ADGRF3: variants seen among roughly 807,000 people sequenced by gnomAD.
ADGRF3 encodes the protein G protein-coupled receptor 113.
In ADGRF3, 85 loss-of-function variants were observed where a neutral mutation model predicts 93.2. That is an observed-to-expected ratio of 0.91 (90% CI 0.77 to 1.09). The LOEUF is 1.09. Ranked by LOEUF, ADGRF3 falls within the 50% of genes least tolerant of loss-of-function variation. The pLI is 0.00. For missense variants in ADGRF3, 1,125 were observed against 1,246.2 expected (o/e 0.90, Z 1.46); for synonymous variants, 534 against 532.5 (o/e 1.00, Z -0.04).
rs558122227 is a variant in ADGRF3, at chr2:26,323,920, C to T, written c.115-6358G>A. Among the ~76,000 whole-genome samples the T allele has an allele frequency of 9.2e-5, 14 of 152,092 alleles. No homozygotes were observed. In the East Asian group the frequency reaches 1.4e-3, roughly 15 times the overall value. ...CTAGGATTACAAGCATGAGCCACTG[C>T]GCCCGGCCTCCATTACCTCTTATAG... On this transcript the variant is annotated intron_variant, in intron 1 of 13. Transcript: ENST00000651242.
chr2:26,310,366 G>A, intron 10 of ADGRF3, 129 bp from the exon 11 acceptor site: 1 of 1,001,562 alleles, frequency 1.0e-6, no homozygotes, highest in Non-Finnish European at 1.5e-6. Flanking sequence ...ACCACTATTT[G>A]GTGCATAGGA....
At chr2:26,321,556 C>T (rs927504813) in intron 1 of ADGRF3, among the ~76,000 whole-genome samples, 1 of 151,972 alleles carries the variant, frequency 6.6e-6, no homozygotes, top group African/African-American at 2.4e-5. Context: ...GCTTCAGTGC[C>T]GAGGGGAGAC....
intron 1 of ADGRF3, among the ~76,000 whole-genome samples, chr2:26,323,519 C>G (rs995065672): frequency 6.6e-6 from 1 of 152,084 alleles, no homozygotes; most frequent in Non-Finnish European, 1.5e-5. Flanking sequence ...TCAGGCTGGC[C>G]TCAAAGTCCT....
At chr2:26,339,150 A>G (rs1676230185) in intron 1 of ADGRF3, among the ~76,000 whole-genome samples, 1 of 151,056 alleles carries the variant, frequency 6.6e-6, no homozygotes, top group Admixed American at 6.6e-5. Context: ...AAAGCAAAGA[A>G]AAGAAAGAAA....
intron 1 of ADGRF3, among the ~76,000 whole-genome samples, chr2:26,319,753 G>A (rs1399818957): frequency 2.0e-5 from 3 of 150,426 alleles, no homozygotes; most frequent in Non-Finnish European, 1.5e-5. Flanking sequence ...GTCTCCCTCT[G>A]TTGCCCGGGC....
chr2:26,337,335 G>T (rs1676111891), intron 1 of ADGRF3, among the ~76,000 whole-genome samples: 1 of 152,182 alleles, frequency 6.6e-6, no homozygotes, highest in Admixed American at 6.5e-5. Flanking sequence ...CCACTTTATT[G>T]TTCTCCCAGC....
At chr2:26,335,478 C>A (rs529812928) in intron 1 of ADGRF3, among the ~76,000 whole-genome samples, 1 of 152,146 alleles carries the variant, frequency 6.6e-6, no homozygotes, top group African/African-American at 2.4e-5. Context: ...ATAGCTACTA[C>A]GGACATTCAT....
At position 26,346,318 on chromosome 2, in the gene ADGRF3, C is replaced by T; in HGVS notation, c.-84G>A. The T allele has an allele frequency of 3.8e-6, 6 of 1,596,894 alleles. No individual in the cohort carries two copies. The highest frequency in any genetic ancestry group is 1.4e-5 in the African/African-American group (1 of 73,890). ...CCGCGGGCCGGCGGATGCCCCTCTC[C>T]CTGCTCCCGGCCTCGCCCAGGCGGC... On this transcript the variant is annotated 5_prime_UTR_variant, in exon 1 of 14. Transcript: ENST00000651242.
intron 1 of ADGRF3, among the ~76,000 whole-genome samples, chr2:26,327,025 C>T (rs1233605581): frequency 2.6e-5 from 4 of 152,274 alleles, no homozygotes; most frequent in Admixed American, 2.6e-4. Flanking sequence ...CTGCCTCGGC[C>T]TCCCGAAGTG....
At position 26,346,353 on chromosome 2, in the gene ADGRF3, C is replaced by G. The variant is rs1188292063; in HGVS notation, c.-119G>C. Reference sequence around the variant, plus strand: ...GCCTCGCCCAGGCGGCTGAGGGGCCCGCGCGGCGCGGTCCGTGTCACCTTG... The same window carrying G: ...GCCTCGCCCAGGCGGCTGAGGGGCCGGCGCGGCGCGGTCCGTGTCACCTTG... On this transcript the variant is annotated 5_prime_UTR_variant, in exon 1 of 14. Coordinates refer to ENST00000651242, the MANE Select transcript of ADGRF3 (RefSeq NM_001321971.2). 2.0e-5 allele frequency: 30 copies of G among 1,525,762 alleles called. No individual in the cohort carries two copies. Among genetic ancestry groups the G allele is most frequent in the Non-Finnish European group, 2.3e-5 (26 of 1,136,538 alleles). The allele number at this position is 1,525,762 out of a possible 1,614,324, so 94.5% of individuals were successfully genotyped here.
At chr2:26,341,063 A>G (rs114391839) in intron 1 of ADGRF3, among the ~76,000 whole-genome samples, 1 of 152,280 alleles carries the variant, frequency 6.6e-6, no homozygotes, top group Non-Finnish European at 1.5e-5. Flanking sequence ...TTGGTAGGTT[A>G]AGACCACAAA....
intron 1 of ADGRF3, among the ~76,000 whole-genome samples, chr2:26,324,188 CCA>C (rs1179544450): frequency 7.9e-5 from 12 of 152,232 alleles, no homozygotes; most frequent in African/African-American, 2.9e-4. Flanking sequence ...GAGGTCAAAG[CCA>C]CAGTGAGCTG....
chr2:26,312,696 G>A (rs757769356), intron 9 of ADGRF3, among the ~76,000 whole-genome samples: 3 of 152,156 alleles, frequency 2.0e-5, no homozygotes, highest in Non-Finnish European at 4.4e-5. Flanking sequence ...CACACGCCTC[G>A]GGCCTCATGT....
intron 1 of ADGRF3, among the ~76,000 whole-genome samples, chr2:26,344,503 C>G (rs1013474347): frequency 6.6e-6 from 1 of 152,140 alleles, no homozygotes; most frequent in Non-Finnish European, 1.5e-5. Flanking sequence ...TCAAAGAGAT[C>G]TTTGCTCATT....
Position 26,311,590 on chromosome 2 carries a change from G to A in ADGRF3, c.1934C>T (p.Pro645Leu). Residue 645 changes from proline to leucine, a missense_variant, in exon 10 of 14, where the codon CCT (proline) becomes CTT (leucine). Transcript: ENST00000651242. ...ACTGTGATCCCAGAAGACACAGTGAGGGGAACCATCTGTGTTCCCAAAGTC... is the reference window on the plus strand; with the variant it reads ...ACTGTGATCCCAGAAGACACAGTGAAGGGAACCATCTGTGTTCCCAAAGTC... ...IMDFGNTDGS[P>L]HCVFWDHSLF... 6.2e-7 allele frequency: 1 copy of A among 1,613,856 alleles called. No homozygotes were observed. Among genetic ancestry groups the A allele is most frequent in the Non-Finnish European group, 8.5e-7 (1 of 1,179,894 alleles).
chr2:26,319,585 T>TC lies in ADGRF3; in HGVS notation c.115-2024dup, dbSNP rs1426347057. Among the ~76,000 whole-genome samples the TC allele has an allele frequency of 6.8e-3, 370 of 54,504 alleles. 11 individuals are homozygous for TC. The highest frequency in any genetic ancestry group is 0.046 in the Middle Eastern group (5 of 108). 35.8% of individuals were successfully genotyped at this position (54,504 alleles called of 152,430 possible). On this transcript the variant is annotated intron_variant, in intron 1 of 13. Coordinates refer to ENST00000651242, the MANE Select transcript of ADGRF3 (RefSeq NM_001321971.2). ...TCCCTCCCTTCCTTCCTTCCTTCCT[T>TC]CCTTCCTTCCTTCCTTCCTTCCTTC... is the stretch of plus-strand genomic sequence containing the variant.
Position 26,346,543 on chromosome 2 carries a change from G to A in ADGRF3, c.-309C>T. 1 of 401,330 alleles carries A rather than the reference G, an allele frequency of 2.5e-6. No individual in the cohort carries two copies. The highest frequency in any genetic ancestry group is 4.1e-5 in the East Asian group (1 of 24,206). 24.9% of individuals were successfully genotyped at this position (401,330 alleles called of 1,614,324 possible). ...GGAGAGCGCTCAGTGATCATGGAGC[G>A]AGGGAATTCCCTTCCTATTTTTTTT... On this transcript the variant is annotated 5_prime_UTR_variant, in exon 1 of 14. Transcript: ENST00000651242.
intron 1 of ADGRF3, among the ~76,000 whole-genome samples, chr2:26,333,986 GT>G (rs35637865): frequency 1.4e-5 from 2 of 147,130 alleles, no homozygotes; most frequent in African/African-American, 5.0e-5. Context: ...CGCCCAGCTA[GT>G]TTTTTTTTTT....
At chr2:26,342,902 C>T (rs1676469981) in intron 1 of ADGRF3, among the ~76,000 whole-genome samples, 1 of 152,176 alleles carries the variant, frequency 6.6e-6, no homozygotes, top group Admixed American at 6.5e-5. Flanking sequence ...GTGACCATGC[C>T]TGCCGGGTTT....
Sources: allele counts gnomAD v4.1 joint callset (sites outside exome capture counted in the v4.1 genomes callset), GRCh38; gene constraint gnomAD v4.1.1; transcripts MANE v1.5; gene names NCBI Gene and HGNC (gene_info 2026-07-23, HGNC 2026-07-21).